TEKTL1: variants seen among roughly 807,000 people sequenced by gnomAD.
TEKTL1 encodes the protein tektin like 1.
the TEKTL1 span, among the ~76,000 whole-genome samples, chr19:15,019,487 G>T: frequency 6.6e-6 from 1 of 152,084 alleles, no homozygotes; most frequent in African/African-American, 2.4e-5. Context: ...GCATCACATT[G>T]CATGCCATAA....
the TEKTL1 span, among the ~76,000 whole-genome samples, chr19:15,022,604 C>G: frequency 1.8e-4 from 27 of 152,224 alleles, 2 homozygotes; most frequent in African/African-American, 6.0e-4. Context: ...GCTGGGATTA[C>G]AGGTGTGAGC....
the TEKTL1 span, chr19:15,020,323 T>G: frequency 1.6e-6 from 1 of 639,124 alleles, no homozygotes; most frequent in Middle Eastern, 4.5e-4. Flanking sequence ...AAAAAAAAAA[T>G]GAGAGTGTCA....
At chr19:15,019,673 T>G in the TEKTL1 span, among the ~76,000 whole-genome samples, 1 of 152,072 alleles carries the variant, frequency 6.6e-6, no homozygotes, top group Non-Finnish European at 1.5e-5. Flanking sequence ...TCTGGAACAT[T>G]GGGGAAATAA....
At chr19:15,021,752 G>A in the TEKTL1 span, 1 of 1,611,836 alleles carries the variant, frequency 6.2e-7, no homozygotes, top group Non-Finnish European at 8.5e-7. Context: ...GGAGGCAGGG[G>A]TGCCGGTGGC....
the TEKTL1 span, among the ~76,000 whole-genome samples, chr19:15,014,190 G>A: frequency 6.6e-6 from 1 of 152,172 alleles, no homozygotes; most frequent in Non-Finnish European, 1.5e-5. Flanking sequence ...TCCAGCTTCA[G>A]CCAGACTTGA....
chr19:15,014,717 A>G, the TEKTL1 span, among the ~76,000 whole-genome samples: 2 of 50,210 alleles, frequency 4.0e-5, no homozygotes, highest in Admixed American at 2.8e-4. Flanking sequence ...GAGGCAGGAG[A>G]CTCAGTGGGG....
the TEKTL1 span, chr19:15,022,047 G>A: frequency 2.7e-6 from 2 of 730,200 alleles, no homozygotes; most frequent in South Asian, 1.8e-5. Flanking sequence ...CTCCTGCCAC[G>A]AAGTGGGGAG....
At chr19:15,021,560 G>A in the TEKTL1 span, 1 of 1,613,574 alleles carries the variant, frequency 6.2e-7, no homozygotes, top group Non-Finnish European at 8.5e-7. Flanking sequence ...GGTGGGACAG[G>A]GGAGGAGACG....
the TEKTL1 span, chr19:15,010,868 C>A: frequency 1.3e-6 from 2 of 1,555,494 alleles, no homozygotes; most frequent in South Asian, 1.2e-5. Flanking sequence ...CCAGGACACA[C>A]GCGTTGGGGC....
At chr19:15,013,615 G>A in the TEKTL1 span, 2 of 1,347,474 alleles carry the variant, frequency 1.5e-6, no homozygotes, top group African/African-American at 2.9e-5. Flanking sequence ...CCTGGAAAGA[G>A]GAATCTCTTC....
chr19:15,022,725 T>A, the TEKTL1 span: 9 of 813,092 alleles, frequency 1.1e-5, no homozygotes, highest in Non-Finnish European at 1.5e-5. Context: ...TGTCGCGGTT[T>A]TTTTTTTTTC....
the TEKTL1 span, chr19:15,021,333 C>T: frequency 5.0e-5 from 80 of 1,610,832 alleles, 1 homozygote; most frequent in East Asian, 5.1e-4. Context: ...CACCCCCACG[C>T]GCATCCTGGG....
At chr19:15,011,734 CA>C in the TEKTL1 span, among the ~76,000 whole-genome samples, 1,202 of 121,756 alleles carry the variant, frequency 9.9e-3, 5 homozygotes, top group Middle Eastern at 0.013. Flanking sequence ...AACTCCATCT[CA>C]AAAAAAAAAA....
chr19:15,020,521 GACCTCATGA>G, the TEKTL1 span: 1 of 1,613,888 alleles, frequency 6.2e-7, no homozygotes, highest in Non-Finnish European at 8.5e-7. Flanking sequence ...CCAAGCCGTG[GACCTCATGA>G]ACCAGCCTCT....
the TEKTL1 span, chr19:15,021,334 G>C: frequency 1.9e-6 from 3 of 1,610,952 alleles, no homozygotes; most frequent in African/African-American, 1.3e-5. Context: ...ACCCCCACGC[G>C]CATCCTGGGC....
chr19:15,011,227 C>T, the TEKTL1 span: 1 of 1,480,784 alleles, frequency 6.8e-7, no homozygotes, highest in Non-Finnish European at 8.9e-7. Flanking sequence ...GTGGAGCGCG[C>T]CTCACCGCCG....
the TEKTL1 span, chr19:15,023,149 T>C: frequency 6.5e-7 from 1 of 1,544,828 alleles, no homozygotes; most frequent in Admixed American, 2.0e-5. Context: ...CCCAGCCAGC[T>C]GATTGGATGC....
chr19:15,011,022 C>A, the TEKTL1 span: 1 of 1,582,454 alleles, frequency 6.3e-7, no homozygotes. Flanking sequence ...GGCCGCGCCG[C>A]CTACATCCAG....
the TEKTL1 span, chr19:15,011,212 C>T: frequency 7.5e-6 from 11 of 1,475,416 alleles, no homozygotes; most frequent in East Asian, 1.8e-4. Context: ...TGCACGCGCA[C>T]GCGCGTGGAG....
Sources: gnomAD v4.1 joint callset for allele counts (sites outside exome capture counted in the v4.1 genomes callset) on GRCh38, gnomAD v4.1.1 for gene constraint, MANE v1.5 for transcripts, NCBI Gene and HGNC (gene_info 2026-07-23, HGNC 2026-07-21) for gene names.